Variants in RHEX observed in about 807,000 individuals in gnomAD.
RHEX encodes regulator of hemoglobinization and erythroid cell expansion protein.
RHEX carries 18 observed loss-of-function variants against 20.1 expected under a neutral mutation model. The observed-to-expected ratio is 0.90, with a 90% CI of 0.62 to 1.33. The LOEUF (loss-of-function observed/expected upper bound fraction) is 1.33. RHEX is among the 40% of genes most tolerant of loss of function. The probability of loss-of-function intolerance (pLI) is 0.00; values close to 1 mark genes in which losing one functional copy is unlikely to be tolerated. For missense variants in RHEX, 192 were observed against 214.3 expected, an observed-to-expected ratio of 0.90 and a Z score of 0.65; for synonymous variants, 87 against 77.1, an observed-to-expected ratio of 1.13 and a Z score of -0.67.
chr1:206,056,445 T>C (rs1175206285), intron 1 of RHEX: 2 of 152,292 alleles, frequency 1.3e-5, no homozygotes, highest in African/African-American at 2.4e-5. Context: ...GTTTCCAGTA[T>C]ATACATCAAG....
intron 1 of RHEX, among the ~76,000 whole-genome samples, chr1:206,068,480 A>G (rs562723914): frequency 5.9e-5 from 9 of 152,296 alleles, no homozygotes; most frequent in East Asian, 1.9e-4. Context: ...GGGGACTGAA[A>G]TCCACAACTC....
intron 1 of RHEX, among the ~76,000 whole-genome samples, chr1:206,055,986 C>T (rs1411310179): frequency 6.6e-6 from 1 of 152,274 alleles, no homozygotes; most frequent in Non-Finnish European, 1.5e-5. Context: ...TAAAGTCCCC[C>T]TATGCTGTGG....
intron 1 of RHEX, among the ~76,000 whole-genome samples, chr1:206,072,713 A>G (rs1424918817): frequency 6.6e-6 from 1 of 152,086 alleles, no homozygotes; most frequent in African/African-American, 2.4e-5. Flanking sequence ...GAAACACCAC[A>G]ACTGGAGGTG....
intron 1 of RHEX, among the ~76,000 whole-genome samples, chr1:206,077,808 T>C (rs546535603): frequency 6.6e-6 from 1 of 152,338 alleles, no homozygotes; most frequent in Non-Finnish European, 1.5e-5. Context: ...TTAGTTACCC[T>C]GAACACATTG....
chr1:206,066,712 T>A (rs1279509623), intron 1 of RHEX, among the ~76,000 whole-genome samples: 2 of 152,198 alleles, frequency 1.3e-5, no homozygotes, highest in Non-Finnish European at 2.9e-5. Flanking sequence ...AGGCTGAGAT[T>A]TATGCTTAGT....
At chr1:206,093,051 T>C (rs1662991099) in intron 1 of RHEX, among the ~76,000 whole-genome samples, 1 of 152,162 alleles carries the variant, frequency 6.6e-6, no homozygotes, top group African/African-American at 2.4e-5. Flanking sequence ...GTCACACCGT[T>C]AGCAAGTGAC....
intron 1 of RHEX, among the ~76,000 whole-genome samples, chr1:206,081,005 A>ACG (rs1553285817): frequency 6.6e-6 from 1 of 152,066 alleles, no homozygotes; most frequent in African/African-American, 2.4e-5. Flanking sequence ...ACACACAGAC[A>ACG]CATACACAAC....
intron 3 of RHEX, among the ~76,000 whole-genome samples, chr1:206,099,417 C>T (rs1663140746): frequency 6.6e-6 from 1 of 151,850 alleles, no homozygotes; most frequent in Non-Finnish European, 1.5e-5. Context: ...CTCCCAGGTT[C>T]AAGCAGTTCT....
At position 206,072,136 on chromosome 1, in the gene RHEX, T is replaced by G. The variant is rs1175426474; in HGVS notation, c.-97+18871T>G. 2.0e-5 allele frequency among the ~76,000 whole-genome samples: 3 copies of G among 152,154 alleles called. No individual in the cohort carries two copies. The East Asian group carries it at 5.8e-4, about 29-fold the overall frequency. On this transcript the variant is annotated intron_variant, in intron 1 of 5. Coordinates refer to ENST00000331555, the MANE Select transcript of RHEX (RefSeq NM_001007544.4). ...TCATTTCCTTAAGGAGCTGATGATC[T>G]AGGTAGGAATTTAAAACTGGCACAA...
At chr1:206,053,613 G>T (rs1485714863) in intron 1 of RHEX, among the ~76,000 whole-genome samples, 6 of 152,320 alleles carry the variant, frequency 3.9e-5, no homozygotes, top group Middle Eastern at 3.4e-3. Context: ...ATTCAAGAAA[G>T]AATTTAAGGG....
intron 1 of RHEX, among the ~76,000 whole-genome samples, chr1:206,079,676 C>T (rs553067626): frequency 1.3e-5 from 2 of 152,308 alleles, no homozygotes; most frequent in South Asian, 2.1e-4. Flanking sequence ...CTGCCTCAGC[C>T]TCCTCAGTAG....
intron 3 of RHEX, 27 bp downstream of exon 3, chr1:206,098,208 C>T (rs1553287985): frequency 2.0e-6 from 3 of 1,478,976 alleles, no homozygotes; most frequent in South Asian, 1.1e-5. Context: ...CCTCTTCCCT[C>T]CTAGTCACTC....
intron 1 of RHEX, among the ~76,000 whole-genome samples, chr1:206,076,176 A>G (rs1662634175): frequency 6.6e-6 from 1 of 151,334 alleles, no homozygotes; most frequent in South Asian, 2.1e-4. Context: ...TTTTAATGAG[A>G]CAGGGTTTTG....
intron 1 of RHEX, among the ~76,000 whole-genome samples, chr1:206,075,379 C>G (rs1209719146): frequency 6.6e-6 from 1 of 152,172 alleles, no homozygotes. Flanking sequence ...ACATATGTCA[C>G]TTAATGGTAT....
intron 1 of RHEX, among the ~76,000 whole-genome samples, chr1:206,078,195 A>G (rs1662670206): frequency 6.6e-6 from 1 of 152,148 alleles, no homozygotes; most frequent in African/African-American, 2.4e-5. Context: ...CAAATCTGAA[A>G]TATTTCTGGT....
chr1:206,094,393 T>C (rs530879046), intron 1 of RHEX, among the ~76,000 whole-genome samples: 6 of 152,206 alleles, frequency 3.9e-5, no homozygotes, highest in Non-Finnish European at 8.8e-5. Context: ...TTTTCTAAAA[T>C]AGACCAATCC....
chr1:206,056,337 C>T (rs1553282618), intron 1 of RHEX: 1 of 152,424 alleles, frequency 6.6e-6, no homozygotes, highest in Admixed American at 6.5e-5. Context: ...GGTCCACGCA[C>T]AGCTGAAGCA....
intron 1 of RHEX, among the ~76,000 whole-genome samples, chr1:206,054,272 C>T (rs28888732): frequency 0.053 from 8,025 of 151,888 alleles, 671 homozygotes; most frequent in African/African-American, 0.17. Flanking sequence ...GAAGAATTGT[C>T]GGCAAAAGTC....
At chr1:206,072,072 G>C (rs782268833) in intron 1 of RHEX, among the ~76,000 whole-genome samples, 23 of 151,958 alleles carry the variant, frequency 1.5e-4, no homozygotes, top group Admixed American at 3.3e-4. Flanking sequence ...TCATAAACAG[G>C]AACGCAACAA....
Sources: gnomAD v4.1 joint callset for allele counts (sites outside exome capture counted in the v4.1 genomes callset) on GRCh38, gnomAD v4.1.1 for gene constraint, MANE v1.5 for transcripts, NCBI Gene and HGNC (gene_info 2026-07-23, HGNC 2026-07-21) for gene names.